The following INPP4B variants were observed in gnomAD, a reference collection of about 807,000 sequenced individuals.
INPP4B encodes inositol polyphosphate-4-phosphatase type II B.
In INPP4B, 55 loss-of-function variants were observed where a neutral mutation model predicts 122.5. That is an observed-to-expected ratio of 0.45 (90% CI 0.36 to 0.56). The LOEUF (loss-of-function observed/expected upper bound fraction) is 0.56, where lower values mean the gene tolerates loss of function less well. INPP4B is among the 20% of genes least tolerant of loss of function. INPP4B has a pLI of 0.00. For synonymous variants in INPP4B, 403 were observed against 388.7 expected, an observed-to-expected ratio of 1.04 and a Z score of -0.43; for missense variants, 1,000 against 1,097.7, an observed-to-expected ratio of 0.91 and a Z score of 1.26.
chr4:142,074,699 G>C (rs1769536581), intron 25 of INPP4B, among the ~76,000 whole-genome samples: 1 of 152,000 alleles, frequency 6.6e-6, no homozygotes, highest in African/African-American at 2.4e-5. Context: ...TATTATATAA[G>C]TTTAAAAGAA....
chr4:142,256,500 C>T (rs960722145), intron 11 of INPP4B, among the ~76,000 whole-genome samples: 2 of 151,962 alleles, frequency 1.3e-5, no homozygotes, highest in Non-Finnish European at 2.9e-5. Context: ...CAAATAGATG[C>T]AATAAAAAAT....
intron 5 of INPP4B, among the ~76,000 whole-genome samples, chr4:142,413,382 A>G (rs2149258593): frequency 6.6e-6 from 1 of 152,344 alleles, no homozygotes; most frequent in East Asian, 1.9e-4. Flanking sequence ...ATCAGCTCAT[A>G]CATACACATA....
intron 21 of INPP4B, among the ~76,000 whole-genome samples, chr4:142,115,866 C>A (rs536000813): frequency 2.6e-5 from 4 of 152,146 alleles, no homozygotes; most frequent in Admixed American, 2.0e-4. Context: ...CACAGACTGG[C>A]AAATTGGATA....
chr4:142,689,360 G>A (rs899066682), intron 2 of INPP4B, among the ~76,000 whole-genome samples: 3 of 152,098 alleles, frequency 2.0e-5, no homozygotes, highest in Admixed American at 6.6e-5. Context: ...TTACATGTTT[G>A]TTGGGTATGG....
chr4:142,543,229 A>G (rs1017521292), intron 2 of INPP4B, among the ~76,000 whole-genome samples: 1 of 152,154 alleles, frequency 6.6e-6, no homozygotes, highest in Admixed American at 6.5e-5. Context: ...CAGTCTCTCT[A>G]TTTTAATCAC....
intron 7 of INPP4B, chr4:142,347,503 C>T (rs898179452): frequency 4.5e-6 from 2 of 441,864 alleles, no homozygotes; most frequent in African/African-American, 4.0e-5. Flanking sequence ...CTGGTTTGAA[C>T]ACTTGCCTCA....
intron 1 of INPP4B, among the ~76,000 whole-genome samples, chr4:142,752,728 G>C (rs148197094): frequency 6.6e-6 from 1 of 151,960 alleles, no homozygotes; most frequent in Non-Finnish European, 1.5e-5. Context: ...AGTTACTAGC[G>C]GCCTGACAGC....
At chr4:142,594,727 G>A (rs147149265) in intron 2 of INPP4B, among the ~76,000 whole-genome samples, 3,123 of 152,050 alleles carry the variant, frequency 0.021, 109 homozygotes, top group African/African-American at 0.07. Context: ...AGCCCGAGGC[G>A]GTTGGATCAC....
At chr4:142,591,329 G>C (rs1018718616) in intron 2 of INPP4B, among the ~76,000 whole-genome samples, 4 of 151,928 alleles carry the variant, frequency 2.6e-5, no homozygotes, top group African/African-American at 9.7e-5. Context: ...TTATTCAAAA[G>C]AAGAAAGGGA....
chr4:142,068,758 G>C (rs1210886931), intron 25 of INPP4B, among the ~76,000 whole-genome samples: 1 of 152,146 alleles, frequency 6.6e-6, no homozygotes, highest in Non-Finnish European at 1.5e-5. Flanking sequence ...ATGGTAAAGG[G>C]ATCAATTCAA....
chr4:142,569,998 C>A (rs1352797008), intron 2 of INPP4B, among the ~76,000 whole-genome samples: 1 of 151,948 alleles, frequency 6.6e-6, no homozygotes, highest in Non-Finnish European at 1.5e-5. Context: ...TAGCTAGGTG[C>A]AAGAATCAAC....
intron 11 of INPP4B, among the ~76,000 whole-genome samples, chr4:142,252,052 G>A (rs943420105): frequency 2.6e-5 from 4 of 152,302 alleles, no homozygotes; most frequent in South Asian, 4.1e-4. Context: ...ACTGTTTACC[G>A]CATAGGTGAT....
chr4:142,799,384 G>C (rs181636537), intron 1 of INPP4B, among the ~76,000 whole-genome samples: 81 of 151,848 alleles, frequency 5.3e-4, no homozygotes, highest in Non-Finnish European at 9.1e-4. Context: ...CACTACAAAT[G>C]ATCATAATCC....
At position 142,141,348 on chromosome 4, in the gene INPP4B, T is replaced by A. The variant is rs75469205; in HGVS notation, c.1720+4492A>T. Among the ~76,000 whole-genome samples the A allele has an allele frequency of 1.5e-3, 229 of 152,274 alleles. 1 individual carries two copies. In the East Asian group the frequency reaches 0.016, roughly 10 times the overall value. On this transcript the variant is annotated intron_variant, in intron 18 of 25. Transcript: ENST00000262992. ...AGGTTTAATTACATAATCTTTAAGA[T>A]GACGTCAAAATCTAAGGTTCTAATA... is the stretch of plus-strand genomic sequence containing the variant.
intron 2 of INPP4B, among the ~76,000 whole-genome samples, chr4:142,647,231 G>A (rs150856967): frequency 2.6e-4 from 40 of 152,170 alleles, no homozygotes; most frequent in African/African-American, 9.6e-4. Flanking sequence ...TGAGAATCAG[G>A]GTCCAGGAAG....
At chr4:142,623,400 C>T (rs1175295075) in intron 2 of INPP4B, among the ~76,000 whole-genome samples, 2 of 151,880 alleles carry the variant, frequency 1.3e-5, no homozygotes, top group South Asian at 2.1e-4. Flanking sequence ...GGAGTTGACA[C>T]ACAAGCTGAC....
At chr4:142,651,386 GAGAT>G (rs1752930446) in intron 2 of INPP4B, among the ~76,000 whole-genome samples, 1 of 152,124 alleles carries the variant, frequency 6.6e-6, no homozygotes, top group African/African-American at 2.4e-5. Flanking sequence ...AGAACTGAAA[GAGAT>G]AGAGACATAA....
intron 1 of INPP4B, among the ~76,000 whole-genome samples, chr4:142,815,190 G>T (rs1779973061): frequency 6.6e-6 from 1 of 152,088 alleles, no homozygotes; most frequent in African/African-American, 2.4e-5. Flanking sequence ...AAATTTTGAG[G>T]TCATTACAAA....
At chr4:142,381,169 T>A (rs1033059146) in intron 7 of INPP4B, among the ~76,000 whole-genome samples, 1 of 152,186 alleles carries the variant, frequency 6.6e-6, no homozygotes, top group Non-Finnish European at 1.5e-5. Context: ...ATTTGAATAA[T>A]TGCTGGCAGA....
Sources: allele counts gnomAD v4.1 joint callset (sites outside exome capture counted in the v4.1 genomes callset), GRCh38; gene constraint gnomAD v4.1.1; transcripts MANE v1.5; gene names NCBI Gene and HGNC (gene_info 2026-07-23, HGNC 2026-07-21).